The following DEAF1 variants were observed in gnomAD, a reference collection of about 807,000 sequenced individuals.
The protein encoded by DEAF1 is deformed epidermal autoregulatory factor 1 homolog.
DEAF1 carries 53 observed loss-of-function variants against 58.9 expected under a neutral mutation model. The observed-to-expected ratio is 0.90, with a 90% confidence interval of 0.72 to 1.13. DEAF1 has a LOEUF of 1.13. Among genes scored for constraint, DEAF1 ranks in the 50% most tolerant of loss-of-function variants. DEAF1 has a pLI of 0.00. For synonymous variants in DEAF1, 385 were observed against 340.4 expected, an observed-to-expected ratio of 1.13 and a Z score of -1.44; for missense variants, 685 against 791.4, an observed-to-expected ratio of 0.87 and a Z score of 1.61.
At chr11:703,637 G>A (rs967987362) in intron 1 of DEAF1, 19 of 1,232,718 alleles carry the variant, frequency 1.5e-5, no homozygotes, top group Admixed American at 4.2e-5. Context: ...GGCTGGAGAC[G>A]CAGGATGGGG....
At chr11:655,449 G>A (rs775726286) in intron 10 of DEAF1, among the ~76,000 whole-genome samples, 15 of 152,270 alleles carry the variant, frequency 9.9e-5, no homozygotes, top group Non-Finnish European at 1.8e-4. Flanking sequence ...GAGCTCCGCC[G>A]TCAATGCTCT....
chr11:693,834 G>C (rs574827010), intron 1 of DEAF1, among the ~76,000 whole-genome samples: 1 of 152,342 alleles, frequency 6.6e-6, no homozygotes, highest in East Asian at 1.9e-4. Context: ...TAAAAATGTG[G>C]ACTGGAAAGC....
chr11:703,774 C>T (rs748098241), intron 1 of DEAF1: 10 of 1,232,936 alleles, frequency 8.1e-6, no homozygotes, highest in Non-Finnish European at 1.0e-5. Flanking sequence ...TAGCAATTTC[C>T]ATCTTAGCCA....
intron 10 of DEAF1, among the ~76,000 whole-genome samples, chr11:655,372 C>T (rs1382006514): frequency 6.6e-6 from 1 of 152,218 alleles, no homozygotes; most frequent in African/African-American, 2.4e-5. Flanking sequence ...TCTTTTTAAT[C>T]AGCGCATAGG....
chr11:699,094 T>C, upstream of DEAF1: 1 of 606,524 alleles, frequency 1.6e-6, no homozygotes, highest in Non-Finnish European at 2.9e-6. Flanking sequence ...TGCTCAGCCC[T>C]GCACAAAGTG....
chr11:646,121 T>C (rs1338197333), intron 11 of DEAF1, among the ~76,000 whole-genome samples: 1 of 151,954 alleles, frequency 6.6e-6, no homozygotes, highest in Non-Finnish European at 1.5e-5. Context: ...CCTGTGGTCA[T>C]GCGCACCTGC....
At chr11:690,427 C>G (rs1210056721) in intron 2 of DEAF1, among the ~76,000 whole-genome samples, 3 of 150,640 alleles carry the variant, frequency 2.0e-5, no homozygotes, top group East Asian at 4.0e-4. Flanking sequence ...CACAAGTTTT[C>G]TGTTTGCTGC....
chr11:687,835 T>C (rs1252958430), intron 4 of DEAF1, 76 bp downstream of exon 4: 2 of 1,596,574 alleles, frequency 1.3e-6, no homozygotes, highest in Non-Finnish European at 1.7e-6. Flanking sequence ...GATTTTCATC[T>C]TTCTCAGCCC....
chr11:684,886 C>T lies in DEAF1; in HGVS notation c.870+12G>A. The T allele has an allele frequency of 3.2e-6, 5 of 1,551,418 alleles. No individual in the cohort carries two copies. The highest frequency in any genetic ancestry group is 3.5e-6 in the Non-Finnish European group (4 of 1,146,886). On this transcript the variant is annotated intron_variant, in intron 6 of 11. Transcript: ENST00000382409. ...ACCAAGTCATCCTGTTCCAGACACG[C>T]TGGCCACTTACTAAGGTCATGTCGT...
chr11:700,695 C>T (rs753750484), intron 1 of DEAF1: 73 of 1,613,894 alleles, frequency 4.5e-5, no homozygotes, highest in Middle Eastern at 1.6e-4. Flanking sequence ...AGAAGCAGTT[C>T]GGTTATACCT....
At chr11:706,283 A>G (rs1861708341) in intron 1 of DEAF1, 2 of 151,588 alleles carry the variant, frequency 1.3e-5, no homozygotes, top group Non-Finnish European at 2.9e-5. Flanking sequence ...GGGGCGCCGG[A>G]GGCAGGTGAG....
At chr11:650,339 A>G (rs1353553792) in intron 11 of DEAF1, among the ~76,000 whole-genome samples, 1 of 133,456 alleles carries the variant, frequency 7.5e-6, no homozygotes, top group African/African-American at 2.9e-5. Flanking sequence ...GAGCCACTGC[A>G]TTCCAGCCTG....
intron 10 of DEAF1, among the ~76,000 whole-genome samples, chr11:668,594 G>A (rs1859661961): frequency 6.6e-6 from 1 of 152,100 alleles, no homozygotes; most frequent in Non-Finnish European, 1.5e-5. Flanking sequence ...AAGCTGAGGT[G>A]GGTGGATGGC....
In DEAF1 at chr11:674,631, G is replaced by C. The variant is rs1423860960; in HGVS notation, c.1408C>G (p.Leu470Val). 6.2e-6 allele frequency: 10 copies of C among 1,614,170 alleles called. No homozygotes were observed. The highest frequency in any genetic ancestry group is 7.6e-6 in the Non-Finnish European group (9 of 1,180,042). Residue 470 changes from leucine to valine, a missense_variant, in exon 10 of 12, where the codon CTG becomes GTG. This residue lies in a region of DEAF1 where 343 missense variants were observed against 379.8 expected (regional missense o/e 0.90). Coordinates refer to ENST00000382409, the MANE Select transcript of DEAF1 (RefSeq NM_021008.4). ...TTGGCTTGCTCAAACAGCGTCTTCA[G>C]CTGCTGCGCTGTGTTGAGCAAGGAG... is the stretch of plus-strand genomic sequence containing the variant. ...VNSLLNTAQQ[L>V]KTLFEQAKHA...
rs1434138758 is a variant in DEAF1, at chr11:694,976, A to AGCGGCC, written c.66_71dup (p.Ala23_Ala24dup). 1.3e-5 allele frequency: 13 copies of AGCGGCC among 1,013,064 alleles called. No homozygotes were observed. Among genetic ancestry groups the AGCGGCC allele is most frequent in the African/African-American group, 1.8e-5 (1 of 56,022 alleles). The allele number at this position is 1,013,064 out of a possible 1,614,324, so 62.8% of individuals were successfully genotyped here. On this transcript the variant is annotated inframe_insertion, in exon 1 of 12. Transcript: ENST00000382409. The stretch of plus-strand genomic sequence containing the variant: ...CCGCGGCCGCGGCCGCCGCCGCCAC[A>AGCGGCC]GCGGCCGCGGCCGCCACCGCCGCCG...
intron 1 of DEAF1, chr11:704,470 G>C: frequency 1.6e-6 from 2 of 1,289,356 alleles, no homozygotes; most frequent in African/African-American, 1.5e-5. Context: ...GGACAGCCCT[G>C]AGGACCCACT....
intron 10 of DEAF1, chr11:666,462 C>G (rs998931599): frequency 2.0e-5 from 3 of 152,192 alleles, no homozygotes; most frequent in Non-Finnish European, 2.9e-5. Flanking sequence ...GTGGCTCACA[C>G]CTGTAATCCC....
At chr11:705,579 G>C (rs1239890796) in intron 1 of DEAF1, 2 of 154,442 alleles carry the variant, frequency 1.3e-5, no homozygotes, top group African/African-American at 4.8e-5. Flanking sequence ...GGGGGGCCTG[G>C]AGGAGCAGCT....
intron 8 of DEAF1, 106 bp from the exon 9 acceptor site, chr11:678,928 G>A (rs749775578): frequency 6.9e-7 from 1 of 1,441,616 alleles, no homozygotes; most frequent in South Asian, 1.3e-5. Context: ...AGTAGCTTAT[G>A]GCCACACGTG....
Sources: allele counts gnomAD v4.1 joint callset (sites outside exome capture counted in the v4.1 genomes callset), GRCh38; gene constraint gnomAD v4.1.1; regional missense constraint gnomAD v4.1.1; transcripts MANE v1.5; gene names NCBI Gene and HGNC (gene_info 2026-07-23, HGNC 2026-07-21).